TRIM2: variants seen among roughly 807,000 people sequenced by gnomAD.
TRIM2 encodes tripartite motif containing 2, also known as tripartite motif-containing protein 2.
A neutral mutation model predicts 75.2 loss-of-function variants in TRIM2; 20 were observed. That is an observed-to-expected ratio of 0.27 (90% CI 0.19 to 0.39). The LOEUF is 0.39. TRIM2 is among the 10% of genes least tolerant of loss of function. TRIM2 has a pLI of 1.00. For missense variants in TRIM2, 660 were observed against 990.8 expected (o/e 0.67, Z 4.48); for synonymous variants, 373 against 388.3 (o/e 0.96, Z 0.46).
intron 10 of TRIM2, among the ~76,000 whole-genome samples, chr4:153,327,181 G>T (rs901138619): frequency 2.0e-5 from 3 of 152,152 alleles, no homozygotes; most frequent in Non-Finnish European, 4.4e-5. Flanking sequence ...AAAGCTGGTT[G>T]TTCTTGCCCT....
At chr4:153,314,993 T>C (rs1456803500) in intron 6 of TRIM2, among the ~76,000 whole-genome samples, 1 of 152,130 alleles carries the variant, frequency 6.6e-6, no homozygotes, top group African/African-American at 2.4e-5. Context: ...GGACCCAAAC[T>C]GAGTCTGAAC....
chr4:153,209,318 A>T (rs1390079937), intron 1 of TRIM2, among the ~76,000 whole-genome samples: 1 of 152,154 alleles, frequency 6.6e-6, no homozygotes, highest in Non-Finnish European at 1.5e-5. Flanking sequence ...TATCACTCCG[A>T]TATGTTCAAG....
intron 1 of TRIM2, among the ~76,000 whole-genome samples, chr4:153,219,544 A>G (rs1263047399): frequency 6.6e-6 from 1 of 152,228 alleles, no homozygotes; most frequent in Admixed American, 6.5e-5. Flanking sequence ...GAAAAGTTTA[A>G]AATCAAGGAC....
At chr4:153,221,968 A>AAGG (rs1740434293) in intron 1 of TRIM2, among the ~76,000 whole-genome samples, 1 of 20,396 alleles carries the variant, frequency 4.9e-5, no homozygotes, top group Admixed American at 6.3e-4. Context: ...AAGAGGGAGG[A>AAGG]AGGGAGGAAG....
intron 1 of TRIM2, among the ~76,000 whole-genome samples, chr4:153,153,798 C>T (rs1728963829): frequency 6.6e-6 from 1 of 152,216 alleles, no homozygotes; most frequent in African/African-American, 2.4e-5. Flanking sequence ...GGGGGCGCGT[C>T]TGGGTTTCTT....
intron 2 of TRIM2, among the ~76,000 whole-genome samples, chr4:153,270,916 A>G (rs1756519517): frequency 6.6e-6 from 1 of 152,228 alleles, no homozygotes; most frequent in Admixed American, 6.5e-5. Context: ...ACATCTGCAT[A>G]CATGAGTTGT....
At chr4:153,175,138 T>G (rs1731287895) in intron 1 of TRIM2, among the ~76,000 whole-genome samples, 1 of 152,146 alleles carries the variant, frequency 6.6e-6, no homozygotes. Context: ...TGCCTCAGCC[T>G]CCCAAGTCAC....
At chr4:153,278,986 A>C (rs1037652691) in intron 3 of TRIM2, among the ~76,000 whole-genome samples, 8 of 152,160 alleles carry the variant, frequency 5.3e-5, no homozygotes, top group Non-Finnish European at 1.2e-4. Flanking sequence ...TGAGCTGTGA[A>C]TATCATTAAG....
intron 6 of TRIM2, among the ~76,000 whole-genome samples, chr4:153,299,976 C>G (rs368887590): frequency 2.6e-5 from 4 of 152,204 alleles, no homozygotes; most frequent in Non-Finnish European, 5.9e-5. Flanking sequence ...TGTGCTCTCA[C>G]CATTACTCCG....
intron 6 of TRIM2, chr4:153,308,516 G>T (rs905571600): frequency 2.8e-5 from 21 of 753,974 alleles, no homozygotes; most frequent in African/African-American, 2.8e-4. Context: ...GCTGATACAA[G>T]TTCCTTTTTG....
intron 1 of TRIM2, among the ~76,000 whole-genome samples, chr4:153,244,263 T>C (rs1210575471): frequency 8.9e-4 from 3 of 3,352 alleles, no homozygotes; most frequent in Admixed American, 4.4e-3. Flanking sequence ...TTCCTCCTCC[T>C]CCTCCTCCTC....
At position 153,337,591 on chromosome 4, in the gene TRIM2, C is replaced by G; in HGVS notation, c.*2625C>G. 5 of 985,694 alleles carry G rather than the reference C, an allele frequency of 5.1e-6. No homozygotes were observed. Among genetic ancestry groups the G allele is most frequent in the Non-Finnish European group, 6.0e-6 (5 of 829,912 alleles). The allele number at this position is 985,694 out of a possible 1,614,324, so 61.1% of individuals were successfully genotyped here. A position where few individuals can be genotyped will look rare whatever the true frequency, so the allele number is the denominator to read the frequency against. On this transcript the variant is annotated 3_prime_UTR_variant, in exon 12 of 12. Transcript: ENST00000338700. ...ATACATATGTGCATTTACTGTATTT[C>G]TTGGTAAGCATATTTTTGGGGGAAA...
chr4:153,180,490 A>T (rs1579354197), intron 1 of TRIM2, among the ~76,000 whole-genome samples: 1 of 152,112 alleles, frequency 6.6e-6, no homozygotes, highest in African/African-American at 2.4e-5. Context: ...TTACCTACAA[A>T]TATTTTTGTT....
upstream of TRIM2, among the ~76,000 whole-genome samples, chr4:153,202,372 C>T (rs1256588080): frequency 6.6e-6 from 1 of 152,130 alleles, no homozygotes; most frequent in Non-Finnish European, 1.5e-5. Flanking sequence ...CAACTCTTAA[C>T]TTTATTTTTA....
Position 153,331,406 on chromosome 4 carries a change from G to C in TRIM2, c.2163+2736G>C, listed in dbSNP as rs1236101261. On this transcript the variant is annotated intron_variant, in intron 11 of 11. Coordinates refer to ENST00000338700, the MANE Select transcript of TRIM2 (RefSeq NM_015271.5). ...AAAATTAAAAACACAATACCATTTAGAATCACTGAAAAAATATATACTTAG... is the reference window on the plus strand; with the variant it reads ...AAAATTAAAAACACAATACCATTTACAATCACTGAAAAAATATATACTTAG... Among the ~76,000 whole-genome samples, 4 of 152,128 alleles carry C rather than the reference G, an allele frequency of 2.6e-5. No individual in the cohort carries two copies. The East Asian group carries it at 7.7e-4, about 29-fold the overall frequency.
intron 1 of TRIM2, among the ~76,000 whole-genome samples, chr4:153,265,045 G>A (rs908896083): frequency 6.6e-6 from 1 of 151,804 alleles, no homozygotes; most frequent in Non-Finnish European, 1.5e-5. Context: ...AGAATGAAAT[G>A]TTTTCATTTT....
intron 1 of TRIM2, among the ~76,000 whole-genome samples, chr4:153,206,953 T>C (rs1735632180): frequency 6.6e-6 from 1 of 152,070 alleles, no homozygotes; most frequent in Non-Finnish European, 1.5e-5. Context: ...TGATCATGGC[T>C]CACTGCAGCC....
At chr4:153,279,179 G>A (rs1458591245) in intron 3 of TRIM2, among the ~76,000 whole-genome samples, 1 of 152,136 alleles carries the variant, frequency 6.6e-6, no homozygotes, top group Non-Finnish European at 1.5e-5. Flanking sequence ...GCATCAATGG[G>A]CCTGGGGAAG....
At chr4:153,154,787 T>C (rs1300894469) in intron 1 of TRIM2, among the ~76,000 whole-genome samples, 1 of 152,156 alleles carries the variant, frequency 6.6e-6, no homozygotes, top group Non-Finnish European at 1.5e-5. Context: ...GTTATGGCCC[T>C]GGGGAAAGAT....
Sources: allele counts gnomAD v4.1 joint callset (sites outside exome capture counted in the v4.1 genomes callset), GRCh38; gene constraint gnomAD v4.1.1; transcripts MANE v1.5; gene names NCBI Gene and HGNC (gene_info 2026-07-23, HGNC 2026-07-21).